TBC1D8: variants seen among roughly 807,000 people sequenced by gnomAD.
TBC1D8 encodes BUB2-like protein 1.
Under a neutral mutation model 118.8 loss-of-function variants are expected in TBC1D8, and 65 were observed. The ratio of observed to expected loss-of-function variants is 0.55; its 90% CI spans 0.45 to 0.67. TBC1D8 has a LOEUF of 0.67. Ranked by LOEUF, TBC1D8 falls within the 30% of genes least tolerant of loss-of-function variation. The pLI is 0.00. For missense variants in TBC1D8, 1,376 were observed against 1,471.2 expected, an observed-to-expected ratio of 0.94 and a Z score of 1.06; for synonymous variants, 566 against 595.8, an observed-to-expected ratio of 0.95 and a Z score of 0.73.
rs1683287181 is a variant in TBC1D8, at chr2:101,071,139, A to C, written c.284-11600T>G. Among the ~76,000 whole-genome samples the C allele has an allele frequency of 5.9e-5, 9 of 152,028 alleles. No individual in the cohort carries two copies. The South Asian group carries it at 1.7e-3, about 28-fold the overall frequency. ...CGGATCACGAGGTCAGGAGATGGAG[A>C]CCATCCTGGCTAATACGGTGAAACT... On this transcript the variant is annotated intron_variant, in intron 2 of 19. Coordinates refer to ENST00000409318, the MANE Select transcript of TBC1D8 (RefSeq NM_001330348.2).
chr2:101,090,404 G>C, intron 1 of TBC1D8, 40 bp from the exon 2 acceptor site: 2 of 1,609,704 alleles, frequency 1.2e-6, no homozygotes, highest in Non-Finnish European at 1.7e-6. Flanking sequence ...TGTGAGCATG[G>C]GGCTGGCCAG....
At chr2:101,023,430 G>A (rs1680160060) in intron 15 of TBC1D8, among the ~76,000 whole-genome samples, 1 of 152,054 alleles carries the variant, frequency 6.6e-6, no homozygotes, top group South Asian at 2.1e-4. Flanking sequence ...ATAGGCATGA[G>A]CCACTGCGAC....
At chr2:101,018,181 T>C in intron 17 of TBC1D8, 2 of 374,972 alleles carry the variant, frequency 5.3e-6, no homozygotes, top group Non-Finnish European at 9.7e-6. Flanking sequence ...TCTATAATTA[T>C]GTTTTAGAAT....
intron 1 of TBC1D8, among the ~76,000 whole-genome samples, chr2:101,129,802 G>A (rs1678509946): frequency 6.6e-6 from 1 of 151,908 alleles, no homozygotes; most frequent in Admixed American, 6.6e-5. Context: ...CTACTCAGGA[G>A]ACTGAGGCAG....
chr2:101,007,631 T>TGACA lies in TBC1D8; in HGVS notation c.*186_*189dup, dbSNP rs1678826017. ...GGAACCAATGGATACCTTAGGGCAC[T>TGACA]GACAATTCTCAATACATAGAAATGC... On this transcript the variant is annotated 3_prime_UTR_variant, in exon 20 of 20. Transcript: ENST00000409318. The TGACA allele has an allele frequency of 1.6e-6, 1 of 626,032 alleles. No individual in the cohort carries two copies. Among genetic ancestry groups the TGACA allele is most frequent in the Non-Finnish European group, 2.8e-6 (1 of 361,990 alleles). 38.8% of individuals were successfully genotyped at this position (626,032 alleles called of 1,614,324 possible). A position where few individuals can be genotyped will look rare whatever the true frequency, so the allele number is the denominator to read the frequency against.
chr2:101,034,414 T>C (rs1380106732), intron 9 of TBC1D8, among the ~76,000 whole-genome samples: 2 of 152,154 alleles, frequency 1.3e-5, no homozygotes, highest in African/African-American at 4.8e-5. Context: ...GGCGCAGCTA[T>C]GACAAAGCGA....
rs1681176331 is a variant in TBC1D8, at chr2:101,038,526, C to A, written c.1210G>T (p.Ala404Ser). 1 of 1,613,700 alleles carries A rather than the reference C, an allele frequency of 6.2e-7. No individual in the cohort carries two copies. Among genetic ancestry groups the A allele is most frequent in the African/African-American group, 1.3e-5 (1 of 74,886 alleles). The part of the protein sequence containing the change: ...DRDSLVEALL[A>S]RLKQVHANHP... ...TTGGCGTGGACCTGCTTCAACCTCG[C>A]AAGCAGCGCCTCCACCAGGCTGTCT... The change falls in exon 7 of 20, where the codon GCG (alanine) becomes TCG (serine). Residue 404 changes from alanine to serine, a missense_variant. By Grantham distance (99) the Ala-to-Ser change is moderately conservative. Coordinates refer to ENST00000409318, the MANE Select transcript of TBC1D8 (RefSeq NM_001330348.2).
chr2:101,095,210 C>T (rs2105462199), intron 1 of TBC1D8, among the ~76,000 whole-genome samples: 1 of 152,052 alleles, frequency 6.6e-6, no homozygotes, highest in South Asian at 2.1e-4. Context: ...TCAGGCCGTT[C>T]TCCATTAATA....
intron 1 of TBC1D8, among the ~76,000 whole-genome samples, chr2:101,108,381 G>C (rs549732939): frequency 6.6e-6 from 1 of 152,280 alleles, no homozygotes; most frequent in African/African-American, 2.4e-5. Context: ...AGGGAAATCT[G>C]AATAAGACCT....
chr2:101,139,866 C>T (rs1458879396), intron 1 of TBC1D8, among the ~76,000 whole-genome samples: 6 of 152,166 alleles, frequency 3.9e-5, no homozygotes, highest in Admixed American at 6.6e-5. Flanking sequence ...CTGGCACTCA[C>T]CACCATTGAT....
rs1170134137 is a variant in TBC1D8 at position 101,037,810 on chromosome 2, T to C, written c.1276-102A>G. On this transcript the variant is annotated intron_variant, in intron 7 of 19. Transcript: ENST00000409318. ...TGTTTTGCCTTTGGATGCACGGGCA[T>C]AGCAGACTTCAATGACTCAGGGGGA... is the stretch of plus-strand genomic sequence containing the variant. 1.1e-5 allele frequency: 15 copies of C among 1,420,112 alleles called. 1 individual carries two copies. The South Asian group carries it at 1.3e-4, about 12-fold the overall frequency. The allele number at this position is 1,420,112 out of a possible 1,614,324, so 88.0% of individuals were successfully genotyped here.
intron 10 of TBC1D8, 146 bp downstream of exon 10, chr2:101,033,398 C>T: frequency 1.0e-6 from 1 of 969,482 alleles, no homozygotes; most frequent in Middle Eastern, 2.0e-4. Flanking sequence ...TCATTTGATA[C>T]TTTCTTTCCG....
At chr2:101,078,492 T>C (rs866542463) in intron 2 of TBC1D8, among the ~76,000 whole-genome samples, 2 of 152,114 alleles carry the variant, frequency 1.3e-5, no homozygotes, top group Non-Finnish European at 2.9e-5. Flanking sequence ...GTGATAAGAC[T>C]GGCCATATTT....
intron 15 of TBC1D8, 95 bp downstream of exon 15, chr2:101,027,288 T>C: frequency 2.6e-6 from 3 of 1,162,764 alleles, no homozygotes; most frequent in Non-Finnish European, 3.8e-6. Context: ...CACGGAGCCC[T>C]GCAGGCAGCT....
intron 18 of TBC1D8, 116 bp from the exon 19 acceptor site, chr2:101,011,142 A>T: frequency 1.0e-6 from 1 of 1,003,484 alleles, no homozygotes; most frequent in South Asian, 1.5e-5. Flanking sequence ...AGCAAATTCC[A>T]TACAAAACTG....
At chr2:101,112,496 AGATCT>A (rs1230975225) in intron 1 of TBC1D8, among the ~76,000 whole-genome samples, 1 of 152,250 alleles carries the variant, frequency 6.6e-6, no homozygotes, top group Non-Finnish European at 1.5e-5. Flanking sequence ...CTTGGCTTTA[AGATCT>A]GATACAGTCT....
intron 1 of TBC1D8, among the ~76,000 whole-genome samples, chr2:101,134,801 ATAACT>A (rs1341174396): frequency 3.3e-5 from 5 of 152,222 alleles, no homozygotes; most frequent in African/African-American, 9.6e-5. Context: ...AATCCACAAC[ATAACT>A]TAACTTTTGG....
At chr2:101,080,230 G>C (rs1345503498) in intron 2 of TBC1D8, among the ~76,000 whole-genome samples, 1 of 152,128 alleles carries the variant, frequency 6.6e-6, no homozygotes, top group African/African-American at 2.4e-5. Context: ...AGCACCCCGA[G>C]CGTGACCGAA....
At chr2:101,126,054 G>C (rs368174224) in intron 1 of TBC1D8, among the ~76,000 whole-genome samples, 2 of 152,134 alleles carry the variant, frequency 1.3e-5, no homozygotes, top group East Asian at 3.9e-4. Flanking sequence ...AGGTCTGCAG[G>C]CTGTACAAGA....
Sources: gnomAD v4.1 joint callset for allele counts (sites outside exome capture counted in the v4.1 genomes callset) on GRCh38, gnomAD v4.1.1 for gene constraint, MANE v1.5 for transcripts, NCBI Gene and HGNC (gene_info 2026-07-23, HGNC 2026-07-21) for gene names.